The following MMP26 variants were observed in gnomAD, a reference collection of about 807,000 sequenced individuals.
The protein encoded by MMP26 is matrix metallopeptidase 26.
Under a neutral mutation model 31.0 loss-of-function variants are expected in MMP26, and 33 were observed. That is an observed-to-expected ratio of 1.06 (90% CI 0.81 to 1.42). The LOEUF (loss-of-function observed/expected upper bound fraction) is 1.42. Ranked by LOEUF, MMP26 falls within the 40% of genes most tolerant of loss-of-function variation. The pLI is 0.00. For synonymous variants in MMP26, 122 were observed against 114.9 expected (o/e 1.06, Z -0.40); for missense variants, 347 against 316.1 (o/e 1.10, Z -0.74).
At chr11:4,736,184 T>A (rs914545395) in intron 1 of MMP26, 6 of 152,174 alleles carry the variant, frequency 3.9e-5, no homozygotes, top group Admixed American at 2.0e-4. Context: ...GAAAAAGGAT[T>A]TTTTTAATGG....
At chr11:4,723,274 CTT>C (rs911993834) in intron 1 of MMP26, 24 of 1,074,896 alleles carry the variant, frequency 2.2e-5, no homozygotes, top group Non-Finnish European at 3.3e-5. Flanking sequence ...AGATCTCAGT[CTT>C]GTGCGCTGCG....
At chr11:4,966,784 G>A (rs1846601633) in intron 2 of MMP26, among the ~76,000 whole-genome samples, 1 of 152,162 alleles carries the variant, frequency 6.6e-6, no homozygotes, top group Non-Finnish European at 1.5e-5. Context: ...AGACTTTGTA[G>A]TCAAGGATAT....
At chr11:4,870,904 G>C (rs932617031) in intron 2 of MMP26, among the ~76,000 whole-genome samples, 5 of 152,066 alleles carry the variant, frequency 3.3e-5, no homozygotes, top group African/African-American at 1.2e-4. Flanking sequence ...TAAAGCAGTG[G>C]TATTTGATGA....
At chr11:4,893,650 T>C (rs947263958) in intron 2 of MMP26, among the ~76,000 whole-genome samples, 3 of 152,214 alleles carry the variant, frequency 2.0e-5, no homozygotes, top group Non-Finnish European at 2.9e-5. Context: ...ATTCTGTCAC[T>C]ATATTGTTTT....
At chr11:4,776,655 T>C (rs1339398058) in intron 2 of MMP26, among the ~76,000 whole-genome samples, 1 of 152,162 alleles carries the variant, frequency 6.6e-6, no homozygotes, top group Non-Finnish European at 1.5e-5. Flanking sequence ...GCAGATTTCC[T>C]GTTGTGTTCT....
chr11:4,856,788 C>T (rs1184528530), intron 2 of MMP26, among the ~76,000 whole-genome samples: 12 of 152,292 alleles, frequency 7.9e-5, no homozygotes, highest in Admixed American at 2.6e-4. Flanking sequence ...AGCACCACGT[C>T]GCACTTATTC....
chr11:4,849,158 G>T (rs766060488), intron 2 of MMP26: 1 of 1,613,748 alleles, frequency 6.2e-7, no homozygotes, highest in Non-Finnish European at 8.5e-7. Flanking sequence ...AGAAGGTGGG[G>T]GCCATTGAAG....
At chr11:4,874,463 A>G (rs1850352862) in intron 2 of MMP26, among the ~76,000 whole-genome samples, 1 of 152,040 alleles carries the variant, frequency 6.6e-6, no homozygotes, top group Non-Finnish European at 1.5e-5. Flanking sequence ...AATTTCTTAA[A>G]GAAAGAGTTC....
intron 2 of MMP26, among the ~76,000 whole-genome samples, chr11:4,986,916 T>TCTCTCTCTCTCTCTCC (rs1167580757): frequency 9.7e-6 from 1 of 102,872 alleles, no homozygotes; most frequent in African/African-American, 4.1e-5. Flanking sequence ...TCTCTCTCTC[T>TCTCTCTCTCTCTCTCC]CTCTCTCTCT....
At chr11:4,839,648 C>G (rs553040675) in intron 2 of MMP26, among the ~76,000 whole-genome samples, 3 of 151,840 alleles carry the variant, frequency 2.0e-5, no homozygotes, top group African/African-American at 7.2e-5. Context: ...TTATCACCTG[C>G]TAACTGAAGA....
chr11:4,938,723 G>A (rs116583831), intron 2 of MMP26, among the ~76,000 whole-genome samples: 1,890 of 152,198 alleles, frequency 0.012, 36 homozygotes, highest in African/African-American at 0.041. Flanking sequence ...GTTTACTCTG[G>A]ATTAGGAGGG....
intron 3 of MMP26, among the ~76,000 whole-genome samples, chr11:4,988,783 T>TA (rs1412042652): frequency 6.6e-6 from 1 of 152,204 alleles, no homozygotes; most frequent in Admixed American, 6.5e-5. Context: ...CCAAAATACC[T>TA]AAAAAATGTT....
intron 2 of MMP26, among the ~76,000 whole-genome samples, chr11:4,982,853 C>T (rs1242026328): frequency 1.3e-5 from 2 of 152,042 alleles, no homozygotes; most frequent in Non-Finnish European, 2.9e-5. Flanking sequence ...AGGCTTTTTC[C>T]CAGCGTTCCT....
intron 2 of MMP26, chr11:4,882,854 G>A: frequency 6.2e-7 from 1 of 1,613,618 alleles, no homozygotes; most frequent in Non-Finnish European, 8.5e-7. Flanking sequence ...GGGTTTTAAT[G>A]TGAGGGGTCT....
At chr11:4,936,996 G>C (rs1846124827) in intron 2 of MMP26, among the ~76,000 whole-genome samples, 1 of 152,064 alleles carries the variant, frequency 6.6e-6, no homozygotes, top group South Asian at 2.1e-4. Flanking sequence ...TCTCTTACTA[G>C]GCATTTTTTT....
intron 1 of MMP26, chr11:4,723,930 A>C: frequency 1.1e-6 from 1 of 875,242 alleles, no homozygotes; most frequent in Non-Finnish European, 1.9e-6. Context: ...GGATGTTGGG[A>C]TCTACCTCCA....
chr11:4,848,269 A>G (rs745671659), intron 2 of MMP26: 2 of 1,612,732 alleles, frequency 1.2e-6, no homozygotes, highest in Admixed American at 1.7e-5. Flanking sequence ...CTGGGCTGCA[A>G]CCTGTTGAGT....
chr11:4,854,307 T>A (rs1850017799), intron 2 of MMP26, among the ~76,000 whole-genome samples: 2 of 152,176 alleles, frequency 1.3e-5, no homozygotes, highest in South Asian at 2.1e-4. Context: ...GAATTCCCTT[T>A]CCTAGCCAAG....
intron 2 of MMP26, among the ~76,000 whole-genome samples, chr11:4,974,965 G>C (rs376084934): frequency 5.9e-5 from 9 of 152,002 alleles, no homozygotes; most frequent in Admixed American, 2.0e-4. Flanking sequence ...GGGTTGAGGT[G>C]GGGGGAGGGA....
Sources: allele counts gnomAD v4.1 joint callset (sites outside exome capture counted in the v4.1 genomes callset), GRCh38; gene constraint gnomAD v4.1.1; transcripts MANE v1.5; gene names NCBI Gene and HGNC (gene_info 2026-07-23, HGNC 2026-07-21).